The following KCNQ1OT1 variants were observed in gnomAD, a reference collection of about 807,000 sequenced individuals.
KCNQ1OT1 encodes KCNQ1 antisense RNA 2 (non-protein coding).
exon 1 of KCNQ1OT1, chr11:2,688,219 GGTT>G (rs1850525294): frequency 2.5e-6 from 1 of 398,776 alleles, no homozygotes; most frequent in East Asian, 3.6e-5. Context: ...GCCCACCAAA[GGTT>G]GTAGCCACTC....
At chr11:2,699,290 G>A (rs1457685271) in exon 1 of KCNQ1OT1, 4 of 398,964 alleles carry the variant, frequency 1.0e-5, no homozygotes, top group South Asian at 1.3e-4. Flanking sequence ...CACTGCTGAC[G>A]CCTGTGATCT....
rs1477584066 is a variant in KCNQ1OT1, at chr11:2,647,129, A to C, written n.52866T>G. 15 of 398,186 alleles carry C rather than the reference A, an allele frequency of 3.8e-5. No individual in the cohort carries two copies. In the East Asian group the frequency reaches 5.3e-4, roughly 14 times the overall value. The allele number at this position is 398,186 out of a possible 1,614,324, so 24.7% of individuals were successfully genotyped here. On this transcript the variant is annotated non_coding_transcript_exon_variant, in exon 1 of 1. Transcript: ENST00000597346. The surrounding 1 kb of genome is among the most constrained non-coding windows in gnomAD (Gnocchi z 4.0). ...TGTGGGTTTGTCATATATGACCTTCATTGAGTTATGTTCCTTCTAGACATT... is the reference window on the plus strand; with the variant it reads ...TGTGGGTTTGTCATATATGACCTTCCTTGAGTTATGTTCCTTCTAGACATT...
At chr11:2,628,987 C>A (rs1206515873) in exon 1 of KCNQ1OT1, 1 of 398,096 alleles carries the variant, frequency 2.5e-6, no homozygotes, top group East Asian at 3.6e-5. Flanking sequence ...TATACCAGTA[C>A]CATAACTTTG....
In KCNQ1OT1 at chr11:2,654,198, T is replaced by C; in HGVS notation, n.45797A>G. The stretch of plus-strand genomic sequence containing the variant: ...AGGCTGTGGGGCTGCGGCTCAGCAA[T>C]GTCACGCAGGGCCTGGCTGCAGCTG... On this transcript the variant is annotated non_coding_transcript_exon_variant, in exon 1 of 1. Coordinates refer to ENST00000597346, the Ensembl canonical transcript of KCNQ1OT1. The surrounding 1 kb of genome is among the most constrained non-coding windows in gnomAD (Gnocchi z 6.4). The C allele has an allele frequency of 2.5e-6, 1 of 398,656 alleles. No individual in the cohort carries two copies. Among genetic ancestry groups the C allele is most frequent in the Non-Finnish European group, 4.4e-6 (1 of 226,200 alleles). 24.7% of individuals were successfully genotyped at this position (398,656 alleles called of 1,614,324 possible).
chr11:2,665,089 GAGATAA>G, exon 1 of KCNQ1OT1: 1 of 398,510 alleles, frequency 2.5e-6, no homozygotes, highest in Non-Finnish European at 4.4e-6. Flanking sequence ...GGGTACCCAG[GAGATAA>G]AGAGTGGCGT....
At chr11:2,638,062 C>G (rs1348944279) in exon 1 of KCNQ1OT1, 1 of 152,126 alleles carries the variant, frequency 6.6e-6, no homozygotes, top group East Asian at 1.9e-4. Flanking sequence ...TATTTTGAGC[C>G]TATGTGTGTC....
In KCNQ1OT1 at chr11:2,644,222, G is replaced by C. The variant is rs142747149; in HGVS notation, n.55773C>G. ...TTTGCTCTTCACCTTCTGGGACACTGAAGGTGTCACCTTATGGCATCCTAT... is the reference window on the plus strand; with the variant it reads ...TTTGCTCTTCACCTTCTGGGACACTCAAGGTGTCACCTTATGGCATCCTAT... On this transcript the variant is annotated non_coding_transcript_exon_variant, in exon 1 of 1. Transcript: ENST00000597346. 3.6e-4 allele frequency: 144 copies of C among 398,436 alleles called. 2 individuals carry two copies. The East Asian group carries it at 5.1e-3, about 14-fold the overall frequency. The allele number at this position is 398,436 out of a possible 1,614,324, so 24.7% of individuals were successfully genotyped here.
chr11:2,697,822 G>C (rs534984406), exon 1 of KCNQ1OT1: 1 of 398,608 alleles, frequency 2.5e-6, no homozygotes, highest in African/African-American at 2.1e-5. Flanking sequence ...ATTCTTTATA[G>C]TTTTCTTGTG....
chr11:2,641,597 T>G (rs1426610815), exon 1 of KCNQ1OT1: 2 of 398,430 alleles, frequency 5.0e-6, no homozygotes, highest in African/African-American at 4.1e-5. Context: ...GTCTCTTCAC[T>G]CTGGTGATTG....
In KCNQ1OT1 at chr11:2,652,212, G is replaced by A. The variant is rs1849768189; in HGVS notation, n.47783C>T. 2.5e-6 allele frequency: 1 copy of A among 398,642 alleles called. No individual in the cohort carries two copies. The highest frequency in any genetic ancestry group is 2.1e-5 in the African/African-American group (1 of 48,760). The allele number at this position is 398,642 out of a possible 1,614,324, so 24.7% of individuals were successfully genotyped here. On this transcript the variant is annotated non_coding_transcript_exon_variant, in exon 1 of 1. Transcript: ENST00000597346. The surrounding 1 kb of genome is among the most constrained non-coding windows in gnomAD (Gnocchi z 5.9). Reference sequence around the variant, plus strand: ...CTGGATTTGGTAGCCAGGGCCTGGAGCCGGATGCTGAGAATGAGGCCTGCA... The same window carrying A: ...CTGGATTTGGTAGCCAGGGCCTGGAACCGGATGCTGAGAATGAGGCCTGCA...
rs115718055 is a variant in KCNQ1OT1 at position 2,650,124 on chromosome 11, C to T, written n.49871G>A. The T allele has an allele frequency of 2.4e-3, 951 of 398,298 alleles. 4 individuals carry two copies. Among genetic ancestry groups the T allele is most frequent in the African/African-American group, 0.018 (856 of 48,658 alleles). 24.7% of individuals were successfully genotyped at this position (398,298 alleles called of 1,614,324 possible). ...TTTCATTCATTTAATTTATCACCTC[C>T]AGGATTTTTGTTTGGTTCTTTTTCA... is the stretch of plus-strand genomic sequence containing the variant. On this transcript the variant is annotated non_coding_transcript_exon_variant, in exon 1 of 1. Transcript: ENST00000597346.
At chr11:2,649,824 T>C (rs1590004957) in exon 1 of KCNQ1OT1, 4 of 398,560 alleles carry the variant, frequency 1.0e-5, no homozygotes, top group Middle Eastern at 6.3e-4. Context: ...CCTTTATCTG[T>C]TAGTCTCTTT....
chr11:2,615,248 A>G (rs971057889), exon 1 of KCNQ1OT1: 4 of 398,062 alleles, frequency 1.0e-5, no homozygotes, highest in African/African-American at 8.2e-5. Context: ...ATAAATGTTG[A>G]ACATGTACCC....
exon 1 of KCNQ1OT1, chr11:2,672,185 C>A: frequency 2.5e-6 from 1 of 398,644 alleles, no homozygotes; most frequent in African/African-American, 2.1e-5. Flanking sequence ...TCTTTAGGTT[C>A]ATGTCCTGAT....
Position 2,682,761 on chromosome 11 carries a change from T to A in KCNQ1OT1, n.17234A>T, listed in dbSNP as rs751683073. Reference sequence around the variant, plus strand: ...TGAGCCCACTCATCTCTGTTGACATTCTAGAAATGCAGGGAAATCTGGGCA... The same window carrying A: ...TGAGCCCACTCATCTCTGTTGACATACTAGAAATGCAGGGAAATCTGGGCA... On this transcript the variant is annotated non_coding_transcript_exon_variant, in exon 1 of 1. Coordinates refer to ENST00000597346, the Ensembl canonical transcript of KCNQ1OT1. This position sits in a 1 kb window ranked among gnomAD's most constrained non-coding sequence, Gnocchi z 5.8. The A allele has an allele frequency of 4.0e-5, 16 of 398,520 alleles. No homozygotes were observed. Among genetic ancestry groups the A allele is most frequent in the African/African-American group, 6.2e-5 (3 of 48,614 alleles). The allele number at this position is 398,520 out of a possible 1,614,324, so 24.7% of individuals were successfully genotyped here.
In KCNQ1OT1 at chr11:2,658,652, T is replaced by C. The variant is rs1296107991; in HGVS notation, n.41343A>G. On this transcript the variant is annotated non_coding_transcript_exon_variant, in exon 1 of 1. Coordinates refer to ENST00000597346, the Ensembl canonical transcript of KCNQ1OT1. This position sits in a 1 kb window ranked among gnomAD's most constrained non-coding sequence, Gnocchi z 4.9. ...TATGCTCGTGGCTACTAGGGTATCA[T>C]TGCTTCAGTCTCCTCTCAGTGGACA... 7.5e-6 allele frequency: 3 copies of C among 398,424 alleles called. No homozygotes were observed. Among genetic ancestry groups the C allele is most frequent in the Non-Finnish European group, 1.3e-5 (3 of 226,058 alleles). The allele number at this position is 398,424 out of a possible 1,614,324, so 24.7% of individuals were successfully genotyped here.
At position 2,678,145 on chromosome 11, in the gene KCNQ1OT1, G is replaced by T. The variant is rs1320408017; in HGVS notation, n.21850C>A. The T allele has an allele frequency of 2.5e-6, 1 of 397,912 alleles. No homozygotes were observed. 24.6% of individuals were successfully genotyped at this position (397,912 alleles called of 1,614,324 possible). A position where few individuals can be genotyped will look rare whatever the true frequency, so the allele number is the denominator to read the frequency against. On this transcript the variant is annotated non_coding_transcript_exon_variant, in exon 1 of 1. Coordinates refer to ENST00000597346, the Ensembl canonical transcript of KCNQ1OT1. This position sits in a 1 kb window ranked among gnomAD's most constrained non-coding sequence, Gnocchi z 4.9. Reference sequence around the variant, plus strand: ...AAATATTTTATCCTCATTTTCCTTAGGTGTTTTGGCTTTTTCTATAATATT... The same window carrying T: ...AAATATTTTATCCTCATTTTCCTTATGTGTTTTGGCTTTTTCTATAATATT...
At chr11:2,697,554 G>A (rs892558601) in exon 1 of KCNQ1OT1, 13 of 398,430 alleles carry the variant, frequency 3.3e-5, no homozygotes, top group Non-Finnish European at 4.4e-5. Context: ...GCTAAGTGGT[G>A]TACTCCACTA....
rs1830845567 is a variant in KCNQ1OT1 at position 2,647,694 on chromosome 11, A to T, written n.52301T>A. The T allele has an allele frequency of 1.3e-5, 5 of 398,040 alleles. No individual in the cohort carries two copies. The highest frequency in any genetic ancestry group is 1.2e-3 in the Middle Eastern group (2 of 1,610). The allele number at this position is 398,040 out of a possible 1,614,324, so 24.7% of individuals were successfully genotyped here. A position where few individuals can be genotyped will look rare whatever the true frequency, so the allele number is the denominator to read the frequency against. On this transcript the variant is annotated non_coding_transcript_exon_variant, in exon 1 of 1. Coordinates refer to ENST00000597346, the Ensembl canonical transcript of KCNQ1OT1. This position sits in a 1 kb window ranked among gnomAD's most constrained non-coding sequence, Gnocchi z 4.0. ...CATTCCTTGTTATTGCTCTGTTCAG[A>T]TTTTTTTTCTTCCTGGTTCAATCTT...
Sources: gnomAD v4.1 joint callset for allele counts on GRCh38, gnomAD v4.1.1 for gene constraint, Gnocchi (gnomAD v3.1) non-coding constraint, MANE v1.5 for transcripts, NCBI Gene and HGNC (gene_info 2026-07-23, HGNC 2026-07-21) for gene names.